FAM169A: variants seen among roughly 807,000 people sequenced by gnomAD.
FAM169A encodes soluble lamin-associated protein of 75 kDa.
In FAM169A, 24 loss-of-function variants were observed where a neutral mutation model predicts 75.7. The observed-to-expected ratio is 0.32, with a 90% CI of 0.23 to 0.45. FAM169A has a LOEUF of 0.45. Among genes scored for constraint, FAM169A ranks in the 20% least tolerant of loss-of-function variants. The probability of loss-of-function intolerance (pLI) is 1.00; values close to 1 mark genes in which losing one functional copy is unlikely to be tolerated. For synonymous variants in FAM169A, 271 were observed against 271.0 expected (o/e 1.00, Z 0.00); for missense variants, 673 against 784.0 (o/e 0.86, Z 1.69).
At chr5:74,788,979 G>T (rs1745835818) in intron 11 of FAM169A, among the ~76,000 whole-genome samples, 1 of 152,184 alleles carries the variant, frequency 6.6e-6, no homozygotes, top group Admixed American at 6.5e-5. Flanking sequence ...CTGGTACCTG[G>T]TATGCAGCCA....
At chr5:74,783,286 G>A (rs1377000830) in intron 11 of FAM169A, 152 bp from the exon 12 acceptor site, 4 of 592,752 alleles carry the variant, frequency 6.7e-6, no homozygotes, top group Non-Finnish European at 1.2e-5. Context: ...GTCTTACTGG[G>A]GGAAGGAGGA....
chr5:74,788,666 T>C (rs182433876), intron 11 of FAM169A, among the ~76,000 whole-genome samples: 100 of 151,456 alleles, frequency 6.6e-4, no homozygotes, highest in African/African-American at 2.3e-3. Flanking sequence ...GATCGTGCCA[T>C]TGCACTCCAG....
At chr5:74,818,462 A>G (rs1164667654) in intron 5 of FAM169A, among the ~76,000 whole-genome samples, 1 of 152,172 alleles carries the variant, frequency 6.6e-6, no homozygotes, top group African/African-American at 2.4e-5. Context: ...GTATAAATAT[A>G]TGAATATACT....
intron 11 of FAM169A, among the ~76,000 whole-genome samples, chr5:74,791,608 A>G (rs1264524018): frequency 6.6e-6 from 1 of 152,212 alleles, no homozygotes. Context: ...CTACTACTCC[A>G]CAATGGAGGT....
intron 5 of FAM169A, among the ~76,000 whole-genome samples, chr5:74,823,330 A>G (rs1346624174): frequency 6.6e-6 from 1 of 152,174 alleles, no homozygotes; most frequent in Non-Finnish European, 1.5e-5. Context: ...CATGTTTACC[A>G]AGAATGTTCT....
In FAM169A at chr5:74,852,440, G is replaced by T. The variant is rs969040237; in HGVS notation, c.-3-10761C>A. On this transcript the variant is annotated intron_variant, in intron 1 of 12. Coordinates refer to ENST00000687041, the MANE Select transcript of FAM169A (RefSeq NM_001376049.1). Reference sequence around the variant, plus strand: ...TGGGAAGAAGGTACAAGAGACAGTAGTCTTATCTAACTTCAAAGCATATTT... The same window carrying T: ...TGGGAAGAAGGTACAAGAGACAGTATTCTTATCTAACTTCAAAGCATATTT... Among the ~76,000 whole-genome samples the T allele has an allele frequency of 2.4e-4, 37 of 152,260 alleles. 1 individual carries two copies. Among genetic ancestry groups the T allele is most frequent in the African/African-American group, 8.2e-4 (34 of 41,550 alleles).
chr5:74,850,872 ACTT>A (rs1195143034), intron 1 of FAM169A, among the ~76,000 whole-genome samples: 1 of 152,096 alleles, frequency 6.6e-6, no homozygotes, highest in African/African-American at 2.4e-5. Context: ...AAAACAAACC[ACTT>A]CTTTTTTTGA....
intron 11 of FAM169A, among the ~76,000 whole-genome samples, chr5:74,795,114 T>A (rs780137701): frequency 6.6e-5 from 10 of 151,766 alleles, no homozygotes; most frequent in Non-Finnish European, 1.3e-4. Flanking sequence ...AAAAATTAGC[T>A]GGGTATGGTG....
At chr5:74,822,670 T>G (rs1160495705) in intron 5 of FAM169A, among the ~76,000 whole-genome samples, 1 of 152,206 alleles carries the variant, frequency 6.6e-6, no homozygotes, top group Admixed American at 6.5e-5. Flanking sequence ...CGCTGTAAAA[T>G]TACTTTAAGT....
At chr5:74,796,469 G>C (rs187167238) in intron 10 of FAM169A, among the ~76,000 whole-genome samples, 3 of 151,196 alleles carry the variant, frequency 2.0e-5, no homozygotes, top group Admixed American at 2.0e-4. Context: ...GCAATGGCGC[G>C]ATCTCGGCTC....
At chr5:74,784,015 A>G (rs1375609238) in intron 11 of FAM169A, among the ~76,000 whole-genome samples, 1 of 152,098 alleles carries the variant, frequency 6.6e-6, no homozygotes, top group African/African-American at 2.4e-5. Flanking sequence ...AAAATTGTCT[A>G]TAAAATATCT....
intron 12 of FAM169A, 55 bp downstream of exon 12, chr5:74,782,876 C>G: frequency 7.3e-7 from 1 of 1,373,302 alleles, no homozygotes; most frequent in Non-Finnish European, 1.0e-6. Flanking sequence ...ACCCTCCTCG[C>G]TAATGTCACC....
chr5:74,846,040 A>G (rs1749139347), intron 1 of FAM169A, among the ~76,000 whole-genome samples: 1 of 152,242 alleles, frequency 6.6e-6, no homozygotes, highest in Non-Finnish European at 1.5e-5. Context: ...TAGTATGACT[A>G]GGAAAACAGA....
Position 74,782,018 on chromosome 5 carries a change from A to G in FAM169A, c.1465-10T>C. On this transcript the variant is annotated splice_polypyrimidine_tract_variant and intron_variant, in intron 12 of 12. Coordinates refer to ENST00000687041, the MANE Select transcript of FAM169A (RefSeq NM_001376049.1). ...CAGGTATACGTGGGGTCTGAAAATT[A>G]AAAACCTGGTCAACAAATAAACTTG... 1 of 1,586,866 alleles carries G rather than the reference A, an allele frequency of 6.3e-7. No individual in the cohort carries two copies. The highest frequency in any genetic ancestry group is 8.6e-7 in the Non-Finnish European group (1 of 1,165,334).
At position 74,805,760 on chromosome 5, in the gene FAM169A, A is replaced by C. The variant is rs571387323; in HGVS notation, c.671-476T>G. On this transcript the variant is annotated intron_variant, in intron 6 of 12. Transcript: ENST00000687041. The stretch of plus-strand genomic sequence containing the variant: ...ATGATTAAATGTTACAGAGGGACAT[A>C]GAAAAACTGAATAAAAAGATTGTCA... 2.6e-5 allele frequency among the ~76,000 whole-genome samples: 4 copies of C among 152,110 alleles called. No homozygotes were observed. In the South Asian group the frequency reaches 6.2e-4, roughly 24 times the overall value.
At chr5:74,838,930 C>G (rs1359075194) in intron 4 of FAM169A, 35 bp downstream of exon 4, 1 of 1,478,646 alleles carries the variant, frequency 6.8e-7, no homozygotes, top group Non-Finnish European at 9.5e-7. Context: ...GAAATGGCCT[C>G]AAAAGAAACA....
chr5:74,845,648 T>C (rs1235377963), intron 1 of FAM169A, among the ~76,000 whole-genome samples: 1 of 152,188 alleles, frequency 6.6e-6, no homozygotes, highest in Non-Finnish European at 1.5e-5. Flanking sequence ...AAAGCACAAA[T>C]TCATTTCAAC....
At chr5:74,840,838 A>C (rs1438180406) in intron 2 of FAM169A, among the ~76,000 whole-genome samples, 1 of 152,002 alleles carries the variant, frequency 6.6e-6, no homozygotes, top group African/African-American at 2.4e-5. Context: ...CAAAAAAAAA[A>C]CAAAAAAAAA....
At chr5:74,838,701 G>A (rs1271530292) in intron 4 of FAM169A, among the ~76,000 whole-genome samples, 2 of 152,132 alleles carry the variant, frequency 1.3e-5, no homozygotes, top group Admixed American at 1.3e-4. Flanking sequence ...AAGAAAATCA[G>A]AAGCTAACTT....
Sources: allele counts gnomAD v4.1 joint callset (sites outside exome capture counted in the v4.1 genomes callset), GRCh38; gene constraint gnomAD v4.1.1; transcripts MANE v1.5; gene names NCBI Gene and HGNC (gene_info 2026-07-23, HGNC 2026-07-21).